The following NEDD4 variants were observed in gnomAD, a reference collection of about 807,000 sequenced individuals.
NEDD4 encodes NEDD4 E3 ubiquitin protein ligase, also known as E3 ubiquitin-protein ligase NEDD4.
NEDD4 carries 99 observed loss-of-function variants against 144.9 expected under a neutral mutation model. That is an observed-to-expected ratio of 0.68 (90% CI 0.58 to 0.81). NEDD4 has a LOEUF of 0.81. Among genes scored for constraint, NEDD4 ranks in the 30% least tolerant of loss-of-function variants. NEDD4 has a pLI of 0.00. For synonymous variants in NEDD4, 318 were observed against 350.6 expected, an observed-to-expected ratio of 0.91 and a Z score of 1.04; for missense variants, 985 against 1,065.9, an observed-to-expected ratio of 0.92 and a Z score of 1.06.
intron 4 of NEDD4, among the ~76,000 whole-genome samples, chr15:55,948,643 A>T (rs2037171581): frequency 1.3e-5 from 2 of 152,208 alleles, no homozygotes; most frequent in African/African-American, 4.8e-5. Flanking sequence ...CCTCAGAAAT[A>T]ACACCACACA....
At position 55,962,222 on chromosome 15, in the gene NEDD4, G is replaced by C. The variant is rs553784362; in HGVS notation, c.119+4251C>G. ...TCTTTTTATGCTTACTGTTTGCATG[G>C]CATATCTTTTTGCGTCCGCTTTCTT... On this transcript the variant is annotated intron_variant, in intron 2 of 28. Coordinates refer to ENST00000435532, the MANE Select transcript of NEDD4 (RefSeq NM_006154.4). Among the ~76,000 whole-genome samples the C allele has an allele frequency of 2.6e-5, 4 of 152,072 alleles. 1 individual carries two copies. The highest frequency in any genetic ancestry group is 9.7e-5 in the African/African-American group (4 of 41,396).
At chr15:55,925,182 C>T (rs1332483558) in intron 4 of NEDD4, among the ~76,000 whole-genome samples, 1 of 152,206 alleles carries the variant, frequency 6.6e-6, no homozygotes, top group African/African-American at 2.4e-5. Context: ...ATGTGTCACT[C>T]ATTTTCTAGT....
At chr15:55,894,952 C>A (rs2035692748) in intron 5 of NEDD4, among the ~76,000 whole-genome samples, 1 of 152,040 alleles carries the variant, frequency 6.6e-6, no homozygotes, top group African/African-American at 2.4e-5. Context: ...TAGATGACTA[C>A]TAAATATGAG....
In NEDD4 at chr15:55,859,501, C is replaced by G. The variant is rs188159236; in HGVS notation, c.960+906G>C. Among the ~76,000 whole-genome samples the G allele has an allele frequency of 1.2e-3, 184 of 152,254 alleles. 1 individual carries two copies. Among genetic ancestry groups the G allele is most frequent in the African/African-American group, 4.3e-3 (179 of 41,556 alleles). On this transcript the variant is annotated intron_variant, in intron 11 of 28. Coordinates refer to ENST00000435532, the MANE Select transcript of NEDD4 (RefSeq NM_006154.4). The stretch of plus-strand genomic sequence containing the variant: ...TTGAGGCCAGGAGTTCAAGACTAGC[C>G]TGGCCAACAGGGTGAAACTCCTCCA...
chr15:55,882,134 A>G (rs2142093421), intron 5 of NEDD4, among the ~76,000 whole-genome samples: 1 of 152,370 alleles, frequency 6.6e-6, no homozygotes, highest in East Asian at 1.9e-4. Flanking sequence ...AACCAAATAG[A>G]AGCCTCCACT....
At chr15:55,990,233 A>G (rs2037967096) in intron 1 of NEDD4, among the ~76,000 whole-genome samples, 1 of 152,070 alleles carries the variant, frequency 6.6e-6, no homozygotes, top group African/African-American at 2.4e-5. Context: ...TGCTTGAATC[A>G]TCCTGAAACC....
chr15:55,976,987 A>T (rs1398795808), intron 1 of NEDD4, among the ~76,000 whole-genome samples: 1 of 152,206 alleles, frequency 6.6e-6, no homozygotes, highest in Non-Finnish European at 1.5e-5. Context: ...AGCACAAGAG[A>T]TAGCAAATTA....
chr15:55,857,989 T>C (rs2034262450), intron 11 of NEDD4, among the ~76,000 whole-genome samples: 1 of 152,180 alleles, frequency 6.6e-6, no homozygotes, highest in Non-Finnish European at 1.5e-5. Flanking sequence ...TCTTTGCCTC[T>C]CTTCAGAGGC....
chr15:55,966,732 T>A (rs1292937087), intron 1 of NEDD4, among the ~76,000 whole-genome samples, 186 bp from the exon 2 acceptor site: 1 of 152,206 alleles, frequency 6.6e-6, no homozygotes, highest in African/African-American at 2.4e-5. Context: ...ATGACCTGAT[T>A]ATTTACAAAG....
chr15:55,851,746 G>T (rs913785290), intron 13 of NEDD4, among the ~76,000 whole-genome samples: 2 of 151,650 alleles, frequency 1.3e-5, no homozygotes, highest in Admixed American at 1.3e-4. Context: ...CAAAGTGCTG[G>T]GATTATAGGC....
chr15:55,903,742 G>A (rs992257413), intron 5 of NEDD4, among the ~76,000 whole-genome samples: 11 of 150,286 alleles, frequency 7.3e-5, no homozygotes, highest in African/African-American at 2.4e-4. Context: ...GGAGAATGGC[G>A]TGAACCCGGG....
At chr15:55,973,880 T>G (rs7174868) in intron 1 of NEDD4, among the ~76,000 whole-genome samples, 22,424 of 144,488 alleles carry the variant, frequency 0.16, 1,812 homozygotes, top group East Asian at 0.33. Flanking sequence ...AACTAGAAAA[T>G]CAAGAGCAAA....
intron 4 of NEDD4, among the ~76,000 whole-genome samples, chr15:55,950,228 C>T (rs2037213424): frequency 6.6e-6 from 1 of 152,134 alleles, no homozygotes; most frequent in Admixed American, 6.6e-5. Context: ...ATTTCCAAAC[C>T]GATTTAAAAG....
chr15:55,914,079 A>G (rs1321437209), intron 5 of NEDD4, among the ~76,000 whole-genome samples: 2 of 151,870 alleles, frequency 1.3e-5, no homozygotes, highest in African/African-American at 4.8e-5. Flanking sequence ...TATCCTTAGT[A>G]AAGTAGTGGC....
At chr15:55,878,046 T>C (rs1595785847) in intron 5 of NEDD4, among the ~76,000 whole-genome samples, 1 of 152,268 alleles carries the variant, frequency 6.6e-6, no homozygotes, top group South Asian at 2.1e-4. Context: ...CTGATAAATT[T>C]TACTGGAGAA....
At chr15:55,863,558 C>A (rs1042033541) in intron 8 of NEDD4, among the ~76,000 whole-genome samples, 6 of 151,918 alleles carry the variant, frequency 3.9e-5, no homozygotes, top group Admixed American at 1.3e-4. Context: ...TAAATATATA[C>A]AATTATTGTC....
chr15:55,864,775 AAAGC>A (rs1306572512), intron 8 of NEDD4, among the ~76,000 whole-genome samples: 1 of 152,174 alleles, frequency 6.6e-6, no homozygotes, highest in Non-Finnish European at 1.5e-5. Context: ...TTTAAAAAGA[AAAGC>A]AAGAAGTGAA....
intron 5 of NEDD4, among the ~76,000 whole-genome samples, chr15:55,918,882 T>A (rs2036516325): frequency 6.6e-6 from 1 of 152,202 alleles, no homozygotes; most frequent in Non-Finnish European, 1.5e-5. Context: ...TGCCTTCAAA[T>A]GACTTCAGCG....
chr15:55,912,938 T>G (rs1210451037), intron 5 of NEDD4, among the ~76,000 whole-genome samples: 1 of 152,146 alleles, frequency 6.6e-6, no homozygotes, highest in Non-Finnish European at 1.5e-5. Context: ...CACTCTAAGT[T>G]GTAAACACAG....
Sources: allele counts gnomAD v4.1 joint callset (sites outside exome capture counted in the v4.1 genomes callset), GRCh38; gene constraint gnomAD v4.1.1; transcripts MANE v1.5; gene names NCBI Gene and HGNC (gene_info 2026-07-23, HGNC 2026-07-21).